COL24A1: variants seen among roughly 807,000 people sequenced by gnomAD.
COL24A1 encodes collagen type XXIV alpha 1 chain.
In COL24A1, 224 loss-of-function variants were observed where a neutral mutation model predicts 253.9. The observed-to-expected ratio is 0.88, with a 90% confidence interval of 0.79 to 0.99. The LOEUF is 0.99. COL24A1 is among the 50% of genes least tolerant of loss of function. COL24A1 has a pLI of 0.00. For missense variants in COL24A1, 2,131 were observed against 2,068.5 expected, an observed-to-expected ratio of 1.03 and a Z score of -0.59; for synonymous variants, 685 against 673.7, an observed-to-expected ratio of 1.02 and a Z score of -0.26.
intron 28 of COL24A1, among the ~76,000 whole-genome samples, chr1:85,899,478 G>A (rs909446559): frequency 2.0e-5 from 3 of 152,134 alleles, no homozygotes; most frequent in African/African-American, 4.8e-5. Context: ...GGGAGGAGTA[G>A]TGGAAGATAA....
chr1:85,903,526 G>A (rs979158188), intron 28 of COL24A1, among the ~76,000 whole-genome samples: 8 of 152,064 alleles, frequency 5.3e-5, no homozygotes, highest in African/African-American at 9.7e-5. Flanking sequence ...TAAAATAACC[G>A]TTTAAAAATA....
rs188131363 is a variant in COL24A1 at position 85,767,699 on chromosome 1, T to C, written c.4375-6133A>G. Among the ~76,000 whole-genome samples, 12 of 152,238 alleles carry C rather than the reference T, an allele frequency of 7.9e-5. No individual in the cohort carries two copies. The East Asian group carries it at 2.3e-3, about 29-fold the overall frequency. ...CCTACTCTAAATGCCACTGTGCCTA[T>C]TTCCCATCTCCCTTGGGTACTGGAA... On this transcript the variant is annotated intron_variant, in intron 53 of 59. Coordinates refer to ENST00000370571, the MANE Select transcript of COL24A1 (RefSeq NM_152890.7).
At chr1:85,851,019 A>T (rs1019436728) in intron 37 of COL24A1, among the ~76,000 whole-genome samples, 3 of 122,258 alleles carry the variant, frequency 2.5e-5, no homozygotes, top group Non-Finnish European at 5.6e-5. Flanking sequence ...ATATATATAT[A>T]TCTACATATA....
At chr1:86,129,616 T>C (rs1201396149) in intron 2 of COL24A1, among the ~76,000 whole-genome samples, 1 of 151,840 alleles carries the variant, frequency 6.6e-6, no homozygotes, top group African/African-American at 2.4e-5. Context: ...TTTGTTGTTT[T>C]CTGGAAAGTA....
intron 55 of COL24A1, among the ~76,000 whole-genome samples, chr1:85,747,905 A>G (rs770409874): frequency 6.6e-6 from 1 of 152,044 alleles, no homozygotes; most frequent in East Asian, 1.9e-4. Flanking sequence ...TTGCTTATAC[A>G]TGATTTTATT....
In COL24A1 at chr1:86,125,576, T is replaced by A; in HGVS notation, c.760A>T (p.Ile254Phe). Reference protein sequence around the residue: ...QADKYQPETSIPCTTLIPTKI... With the variant: ...QADKYQPETSFPCTTLIPTKI... ...GTTGGTATGAGAGTTGTACAAGGAA[T>A]GCTTGTTTCAGGTTGGTATTTGTCT... is the stretch of plus-strand genomic sequence containing the variant. The change falls in exon 3 of 60, where the codon ATT (isoleucine) becomes TTT (phenylalanine). Residue 254 changes from isoleucine to phenylalanine, a missense_variant. By Grantham distance (21) the Ile-to-Phe change is conservative. Transcript: ENST00000370571. The A allele has an allele frequency of 6.2e-7, 1 of 1,613,552 alleles. No homozygotes were observed. Among genetic ancestry groups the A allele is most frequent in the Non-Finnish European group, 8.5e-7 (1 of 1,179,760 alleles).
chr1:85,827,893 T>G (rs1326001967), intron 43 of COL24A1, among the ~76,000 whole-genome samples: 1 of 152,158 alleles, frequency 6.6e-6, no homozygotes, highest in Non-Finnish European at 1.5e-5. Flanking sequence ...CATTCATTTT[T>G]TGAAGGGTTT....
Position 85,929,750 on chromosome 1 carries a change from A to C in COL24A1, c.2563-18317T>G, listed in dbSNP as rs978365161. Among the ~76,000 whole-genome samples, 5 of 148,802 alleles carry C rather than the reference A, an allele frequency of 3.4e-5. No homozygotes were observed. The Admixed American group carries it at 3.4e-4, about 10-fold the overall frequency. ...CAAACTATCTCTCAGACCACAGTGC[A>C]ATCAAACTAGAACTCAGGATTAAGA... On this transcript the variant is annotated intron_variant, in intron 24 of 59. Transcript: ENST00000370571.
chr1:85,842,164 T>C, intron 40 of COL24A1, 43 bp from the exon 41 acceptor site: 2 of 1,563,444 alleles, frequency 1.3e-6, no homozygotes, highest in Non-Finnish European at 1.8e-6. Flanking sequence ...TCTACCTAGA[T>C]ATTAGATATT....
intron 24 of COL24A1, among the ~76,000 whole-genome samples, chr1:85,939,792 G>C (rs1688570264): frequency 6.6e-6 from 1 of 152,058 alleles, no homozygotes; most frequent in African/African-American, 2.4e-5. Flanking sequence ...CCAGTATCTA[G>C]TGCCTAAGGA....
In COL24A1 at chr1:85,999,537, T is replaced by C. The variant is rs371417601; in HGVS notation, c.2311-11883A>G. On this transcript the variant is annotated intron_variant, in intron 19 of 59. Transcript: ENST00000370571. ...ATTTGAGACGTTGAGGTGGGAGGAC[T>C]GCTTGAGCCTGGAGGCTGCAGCTGC... Among the ~76,000 whole-genome samples the C allele has an allele frequency of 5.2e-4, 79 of 152,160 alleles. No individual in the cohort carries two copies. The East Asian group carries it at 0.014, about 28-fold the overall frequency.
chr1:85,910,720 G>A (rs141890440), intron 25 of COL24A1, among the ~76,000 whole-genome samples: 1 of 151,904 alleles, frequency 6.6e-6, no homozygotes, highest in Non-Finnish European at 1.5e-5. Context: ...AGTTAGAAGA[G>A]ATATTTAAAA....
intron 24 of COL24A1, among the ~76,000 whole-genome samples, chr1:85,957,365 A>G (rs1387925048): frequency 6.6e-6 from 1 of 152,216 alleles, no homozygotes; most frequent in Non-Finnish European, 1.5e-5. Context: ...AATTTAATAA[A>G]TAAATAAATA....
Position 85,970,248 on chromosome 1 carries a change from G to A in COL24A1, c.2442C>T (p.Ala814=), listed in dbSNP as rs1476081780. Residue 814 remains alanine, a synonymous_variant, in exon 22 of 60, where the codon GCC becomes GCT. Coordinates refer to ENST00000370571, the MANE Select transcript of COL24A1 (RefSeq NM_152890.7). ...GTQGEEGPIG[A]FGELGPRGKP... is the part of the protein sequence containing the mutation. Reference sequence around the variant, plus strand: ...CTACTCTTGGCCCCAGTTCCCCAAAGGCTCCAATTGGTCCTTCTTCTCCCT... The same window carrying A: ...CTACTCTTGGCCCCAGTTCCCCAAAAGCTCCAATTGGTCCTTCTTCTCCCT... 2.5e-6 allele frequency: 4 copies of A among 1,592,794 alleles called. No homozygotes were observed. The highest frequency in any genetic ancestry group is 3.4e-6 in the Non-Finnish European group (4 of 1,170,764).
Position 85,932,853 on chromosome 1 carries a change from C to T in COL24A1, c.2563-21420G>A, listed in dbSNP as rs865842642. On this transcript the variant is annotated intron_variant, in intron 24 of 59. Transcript: ENST00000370571. ...ATCGCAAGAACAAAAAACCAAACAC[C>T]GCATATTCTCACTCATAGGTGGGAA... Among the ~76,000 whole-genome samples the T allele has an allele frequency of 5.8e-3, 383 of 66,338 alleles. 3 individuals are homozygous for T. The highest frequency in any genetic ancestry group is 0.021 in the African/African-American group (339 of 16,058). The allele number at this position is 66,338 out of a possible 152,430, so 43.5% of individuals were successfully genotyped here.
intron 12 of COL24A1, among the ~76,000 whole-genome samples, chr1:86,036,784 T>C (rs1699067266): frequency 6.6e-6 from 1 of 152,180 alleles, no homozygotes. Flanking sequence ...GTCTCTATAA[T>C]TTCTTTCTCC....
chr1:85,951,241 T>C (rs1247130169), intron 24 of COL24A1, among the ~76,000 whole-genome samples: 1 of 152,202 alleles, frequency 6.6e-6, no homozygotes, highest in African/African-American at 2.4e-5. Context: ...GTATGGATAG[T>C]TCAAGTAAAA....
chr1:85,923,646 G>C (rs952732189), intron 24 of COL24A1, among the ~76,000 whole-genome samples: 1 of 152,144 alleles, frequency 6.6e-6, no homozygotes, highest in South Asian at 2.1e-4. Flanking sequence ...CAACGTACCG[G>C]AATCTCTGGG....
At chr1:85,907,273 T>A in intron 27 of COL24A1, 26 bp from the exon 28 acceptor site, 1 of 1,585,948 alleles carries the variant, frequency 6.3e-7, no homozygotes, top group Non-Finnish European at 8.7e-7. Flanking sequence ...TTAAAGTCAG[T>A]TGTAGAATTT....
Sources: allele counts gnomAD v4.1 joint callset (sites outside exome capture counted in the v4.1 genomes callset), GRCh38; gene constraint gnomAD v4.1.1; transcripts MANE v1.5; gene names NCBI Gene and HGNC (gene_info 2026-07-23, HGNC 2026-07-21).